The following RARB variants were observed in gnomAD, a reference collection of about 807,000 sequenced individuals.
RARB encodes HBV-activated protein.
A neutral mutation model predicts 51.9 loss-of-function variants in RARB; 17 were observed. That is an observed-to-expected ratio of 0.33 (90% CI 0.22 to 0.49). The LOEUF (loss-of-function observed/expected upper bound fraction) is 0.49. Among genes scored for constraint, RARB ranks in the 20% least tolerant of loss-of-function variants. RARB has a pLI of 0.99. For missense variants in RARB, 369 were observed against 550.8 expected (o/e 0.67, Z 3.30); for synonymous variants, 215 against 195.4 (o/e 1.10, Z -0.84).
chr3:25,016,667 T>C (rs1229742454), intron 2 of RARB, among the ~76,000 whole-genome samples: 2 of 152,182 alleles, frequency 1.3e-5, no homozygotes, highest in African/African-American at 2.4e-5. Flanking sequence ...GTAATTTCCA[T>C]TGTGACACCC....
chr3:25,546,166 T>C (rs1699608274), intron 3 of RARB, among the ~76,000 whole-genome samples: 1 of 151,712 alleles, frequency 6.6e-6, no homozygotes, highest in Non-Finnish European at 1.5e-5. Flanking sequence ...GGGGAATACA[T>C]GATGGGGCCC....
chr3:24,935,405 A>G (rs1695528869), intron 2 of RARB, among the ~76,000 whole-genome samples: 1 of 152,154 alleles, frequency 6.6e-6, no homozygotes, highest in Non-Finnish European at 1.5e-5. Flanking sequence ...CTACAGCAGT[A>G]TATGAAAATC....
At chr3:25,316,752 C>T (rs920379804) in intron 5 of RARB, among the ~76,000 whole-genome samples, 2 of 152,198 alleles carry the variant, frequency 1.3e-5, no homozygotes, top group Non-Finnish European at 2.9e-5. Context: ...ACAAATATGA[C>T]AATGACGAGA....
intron 1 of RARB, among the ~76,000 whole-genome samples, chr3:25,431,720 C>T (rs969737575): frequency 6.6e-6 from 1 of 151,970 alleles, no homozygotes; most frequent in Non-Finnish European, 1.5e-5. Context: ...CCCTACTCAA[C>T]ACATCAAAAG....
At chr3:25,496,772 T>C (rs1360944751) in intron 2 of RARB, among the ~76,000 whole-genome samples, 1 of 152,194 alleles carries the variant, frequency 6.6e-6, no homozygotes, top group Non-Finnish European at 1.5e-5. Context: ...AGTGACCTCA[T>C]AGAATTTTCC....
At chr3:25,057,513 T>C (rs994824290) in intron 2 of RARB, among the ~76,000 whole-genome samples, 1 of 152,070 alleles carries the variant, frequency 6.6e-6, no homozygotes, top group Non-Finnish European at 1.5e-5. Flanking sequence ...TAATCTATGT[T>C]GGCTTGCCTC....
At chr3:25,282,142 C>G (rs1473970353) in intron 5 of RARB, among the ~76,000 whole-genome samples, 2 of 152,214 alleles carry the variant, frequency 1.3e-5, no homozygotes, top group Non-Finnish European at 2.9e-5. Context: ...GAGATTTAAT[C>G]TTAGGAATTA....
intron 2 of RARB, among the ~76,000 whole-genome samples, chr3:24,887,488 T>A (rs1412756409): frequency 6.6e-6 from 1 of 152,226 alleles, no homozygotes; most frequent in Non-Finnish European, 1.5e-5. Context: ...AGCTTTGATC[T>A]ATTTTATGAT....
chr3:24,869,327 C>G (rs533153038), intron 2 of RARB, among the ~76,000 whole-genome samples: 1 of 152,032 alleles, frequency 6.6e-6, no homozygotes, highest in Non-Finnish European at 1.5e-5. Flanking sequence ...AAAGGAAGTA[C>G]AATCAGCATA....
chr3:24,936,818 T>G (rs572012730), intron 2 of RARB, among the ~76,000 whole-genome samples: 1 of 152,342 alleles, frequency 6.6e-6, no homozygotes, highest in South Asian at 2.1e-4. Context: ...TCCTTTCCTT[T>G]TCCATGATTT....
At chr3:24,982,575 A>G (rs1225433352) in intron 2 of RARB, among the ~76,000 whole-genome samples, 1 of 152,282 alleles carries the variant, frequency 6.6e-6, no homozygotes, top group South Asian at 2.1e-4. Flanking sequence ...GTTTTCCTTT[A>G]TACCTGAGTA....
chr3:25,397,569 G>C (rs1707150125), intron 5 of RARB, among the ~76,000 whole-genome samples: 1 of 152,108 alleles, frequency 6.6e-6, no homozygotes, highest in African/African-American at 2.4e-5. Flanking sequence ...CAACATTTTT[G>C]AAACCTCTCG....
chr3:24,836,723 G>A (rs761781715), intron 1 of RARB, among the ~76,000 whole-genome samples: 2 of 152,076 alleles, frequency 1.3e-5, no homozygotes, highest in Admixed American at 6.5e-5. Context: ...GGAATATCCA[G>A]GGTGCTCAAT....
At chr3:25,011,343 C>G (rs924593473) in intron 2 of RARB, among the ~76,000 whole-genome samples, 2 of 152,026 alleles carry the variant, frequency 1.3e-5, no homozygotes, top group Non-Finnish European at 2.9e-5. Flanking sequence ...GAGAAGGTGA[C>G]GTGTGAACAA....
At chr3:25,549,443 G>A (rs1699751137) in intron 3 of RARB, among the ~76,000 whole-genome samples, 1 of 152,076 alleles carries the variant, frequency 6.6e-6, no homozygotes, top group South Asian at 2.1e-4. Flanking sequence ...GGCCAAATTG[G>A]TAGAGGAAAT....
At chr3:25,496,323 G>T (rs79253013) in intron 2 of RARB, among the ~76,000 whole-genome samples, 298 of 152,316 alleles carry the variant, frequency 2.0e-3, no homozygotes, top group African/African-American at 6.7e-3. Flanking sequence ...CCTGACCGTT[G>T]CCTTGGGTCT....
At position 25,014,546 on chromosome 3, in the gene RARB, G is replaced by C. The variant is rs530074842; in HGVS notation, c.-379-45579G>C. On this transcript the variant is annotated intron_variant, in intron 2 of 11. Transcript: ENST00000383772. ...TTTTTGACCTTCCAATTGAACCCAGGTGTCAGCATGCAGCTGAGTAAGTGT... is the reference window on the plus strand; with the variant it reads ...TTTTTGACCTTCCAATTGAACCCAGCTGTCAGCATGCAGCTGAGTAAGTGT... 1.3e-4 allele frequency among the ~76,000 whole-genome samples: 20 copies of C among 152,190 alleles called. 1 individual carries two copies. In the South Asian group the frequency reaches 3.9e-3, roughly 30 times the overall value.
At chr3:25,100,737 A>G (rs931660764) in intron 3 of RARB, among the ~76,000 whole-genome samples, 3 of 152,180 alleles carry the variant, frequency 2.0e-5, no homozygotes, top group African/African-American at 7.2e-5. Context: ...TTACCGTTCC[A>G]TTTATACTAG....
intron 2 of RARB, among the ~76,000 whole-genome samples, chr3:24,889,323 A>C (rs576108895): frequency 7.9e-5 from 12 of 152,176 alleles, no homozygotes; most frequent in Non-Finnish European, 1.0e-4. Flanking sequence ...TTATGGCTTT[A>C]AGTCTGGGTT....
Sources: allele counts gnomAD v4.1 joint callset (sites outside exome capture counted in the v4.1 genomes callset), GRCh38; gene constraint gnomAD v4.1.1; transcripts MANE v1.5; gene names NCBI Gene and HGNC (gene_info 2026-07-23, HGNC 2026-07-21).